NKAIN2: variants seen among roughly 807,000 people sequenced by gnomAD.
NKAIN2 encodes the protein sodium/potassium transporting ATPase interacting 2, also known as sodium/potassium-transporting ATPase subunit beta-1-interacting protein 2.
A neutral mutation model predicts 32.6 loss-of-function variants in NKAIN2; 14 were observed. That is an observed-to-expected ratio of 0.43 (90% CI 0.28 to 0.67). The LOEUF (loss-of-function observed/expected upper bound fraction) is 0.67, where lower values mean the gene tolerates loss of function less well. NKAIN2 is among the 30% of genes least tolerant of loss of function. The pLI is 0.17. For synonymous variants in NKAIN2, 80 were observed against 87.2 expected, an observed-to-expected ratio of 0.92 and a Z score of 0.46; for missense variants, 198 against 258.3, an observed-to-expected ratio of 0.77 and a Z score of 1.60.
At chr6:124,200,048 G>A (rs1790521964) in intron 1 of NKAIN2, among the ~76,000 whole-genome samples, 2 of 152,104 alleles carry the variant, frequency 1.3e-5, no homozygotes. Context: ...AATAATCAGT[G>A]AAGAAGATAC....
At chr6:123,875,318 T>C (rs547737449) in intron 1 of NKAIN2, among the ~76,000 whole-genome samples, 1 of 152,124 alleles carries the variant, frequency 6.6e-6, no homozygotes, top group East Asian at 1.9e-4. Context: ...ACTTACTATA[T>C]GCATAAAAGT....
chr6:124,242,800 A>G (rs1793174744), intron 1 of NKAIN2, among the ~76,000 whole-genome samples: 1 of 151,554 alleles, frequency 6.6e-6, no homozygotes, highest in South Asian at 2.1e-4. Flanking sequence ...AGAAAACTAA[A>G]CACTGCATGT....
chr6:123,976,372 C>CATATATATAT (rs60189624), intron 1 of NKAIN2, among the ~76,000 whole-genome samples: 17 of 10,914 alleles, frequency 1.6e-3, no homozygotes, highest in Non-Finnish European at 3.4e-3. Context: ...TATATATTCC[C>CATATATATAT]ATATATATAT....
At chr6:124,548,230 A>C (rs1780165225) in intron 3 of NKAIN2, among the ~76,000 whole-genome samples, 1 of 152,210 alleles carries the variant, frequency 6.6e-6, no homozygotes, top group African/African-American at 2.4e-5. Flanking sequence ...TTGAAATAAA[A>C]ATTCATTTGT....
chr6:124,091,665 T>A (rs1784428117), intron 1 of NKAIN2, among the ~76,000 whole-genome samples: 2 of 152,136 alleles, frequency 1.3e-5, no homozygotes, highest in Middle Eastern at 3.4e-3. Flanking sequence ...AGCATTATTT[T>A]TTTTTTCCCC....
At position 124,321,633 on chromosome 6, in the gene NKAIN2, C is replaced by A. The variant is rs80137181; in HGVS notation, c.193-33634C>A. Among the ~76,000 whole-genome samples, 979 of 152,228 alleles carry A rather than the reference C, an allele frequency of 6.4e-3. 11 individuals are homozygous for A. Among genetic ancestry groups the A allele is most frequent in the African/African-American group, 0.023 (939 of 41,536 alleles). On this transcript the variant is annotated intron_variant, in intron 2 of 6. Transcript: ENST00000368417. The stretch of plus-strand genomic sequence containing the variant: ...TGGCAGCTGTTATTTATGCTTACAA[C>A]AAACATCCAGTGAAGAGCCAGGATA...
At chr6:124,281,267 G>C (rs1368494370) in intron 1 of NKAIN2, among the ~76,000 whole-genome samples, 1 of 152,152 alleles carries the variant, frequency 6.6e-6, no homozygotes, top group East Asian at 1.9e-4. Flanking sequence ...GTTCTATGTT[G>C]AAATGAACTT....
At chr6:124,274,090 T>A (rs1212664715) in intron 1 of NKAIN2, among the ~76,000 whole-genome samples, 1 of 152,166 alleles carries the variant, frequency 6.6e-6, no homozygotes, top group Admixed American at 6.5e-5. Context: ...TAAATGAGAA[T>A]CAGACTACAA....
At chr6:124,691,423 C>T (rs1774250452) in intron 4 of NKAIN2, among the ~76,000 whole-genome samples, 1 of 152,152 alleles carries the variant, frequency 6.6e-6, no homozygotes, top group Non-Finnish European at 1.5e-5. Context: ...TGTTTGCTCC[C>T]TGTCACTACT....
At chr6:124,513,875 A>G (rs568798492) in intron 3 of NKAIN2, among the ~76,000 whole-genome samples, 85 of 152,270 alleles carry the variant, frequency 5.6e-4, no homozygotes, top group African/African-American at 1.9e-3. Context: ...TGTGGGAACC[A>G]TGGATGTTGT....
At chr6:124,122,341 G>T (rs891664918) in intron 1 of NKAIN2, among the ~76,000 whole-genome samples, 1 of 152,036 alleles carries the variant, frequency 6.6e-6, no homozygotes, top group African/African-American at 2.4e-5. Context: ...TTTAGTCTGG[G>T]TAGATAAGCA....
At chr6:124,769,326 C>T (rs1323597444) in intron 4 of NKAIN2, among the ~76,000 whole-genome samples, 1 of 152,158 alleles carries the variant, frequency 6.6e-6, no homozygotes, top group Non-Finnish European at 1.5e-5. Flanking sequence ...AAAGACAAAG[C>T]AAGGGAAGCA....
intron 3 of NKAIN2, among the ~76,000 whole-genome samples, chr6:124,629,520 T>C (rs1174328049): frequency 2.0e-5 from 3 of 152,186 alleles, no homozygotes; most frequent in African/African-American, 7.2e-5. Context: ...GAATAATTTA[T>C]CGATGCACAC....
chr6:124,076,034 C>T (rs530293687), intron 1 of NKAIN2, among the ~76,000 whole-genome samples: 19 of 152,336 alleles, frequency 1.2e-4, no homozygotes, highest in African/African-American at 3.8e-4. Context: ...CAGGCAGGCT[C>T]TCTGTGAGAT....
At chr6:124,773,322 A>AG (rs1317180664) in intron 4 of NKAIN2, among the ~76,000 whole-genome samples, 1 of 151,922 alleles carries the variant, frequency 6.6e-6, no homozygotes, top group African/African-American at 2.4e-5. Context: ...GAGAGAGAAG[A>AG]GGTGCGAGTG....
At chr6:124,271,046 G>A (rs748710860) in intron 1 of NKAIN2, among the ~76,000 whole-genome samples, 1 of 152,166 alleles carries the variant, frequency 6.6e-6, no homozygotes, top group Non-Finnish European at 1.5e-5. Flanking sequence ...TTGTTCTCAT[G>A]ATAGTGAGTG....
chr6:124,202,168 C>T (rs1454675554), intron 1 of NKAIN2, among the ~76,000 whole-genome samples: 1 of 151,562 alleles, frequency 6.6e-6, no homozygotes, highest in Non-Finnish European at 1.5e-5. Context: ...TCTAGAATGT[C>T]CCTGAAAAAA....
At chr6:124,164,256 A>G (rs568779295) in intron 1 of NKAIN2, among the ~76,000 whole-genome samples, 1 of 152,168 alleles carries the variant, frequency 6.6e-6, no homozygotes, top group East Asian at 1.9e-4. Context: ...AGAGTAAAAC[A>G]GCATATACCC....
intron 4 of NKAIN2, among the ~76,000 whole-genome samples, chr6:124,661,148 A>C (rs1784731477): frequency 6.6e-6 from 1 of 152,226 alleles, no homozygotes; most frequent in Admixed American, 6.5e-5. Context: ...CCAAAGCACA[A>C]ACGAGGTGCA....
Sources: gnomAD v4.1 joint callset for allele counts (sites outside exome capture counted in the v4.1 genomes callset) on GRCh38, gnomAD v4.1.1 for gene constraint, MANE v1.5 for transcripts, NCBI Gene and HGNC (gene_info 2026-07-23, HGNC 2026-07-21) for gene names.